IGSF5: variants seen among roughly 807,000 people sequenced by gnomAD.
The protein encoded by IGSF5 is immunoglobulin superfamily 5 like.
Under a neutral mutation model 39.4 loss-of-function variants are expected in IGSF5, and 41 were observed. The observed-to-expected ratio is 1.04, with a 90% confidence interval of 0.81 to 1.35. The LOEUF (loss-of-function observed/expected upper bound fraction) is 1.35. Ranked by LOEUF, IGSF5 falls within the 40% of genes most tolerant of loss-of-function variation. The pLI, the probability that IGSF5 is intolerant of heterozygous loss-of-function variation, is 0.00. For synonymous variants in IGSF5, 183 were observed against 175.3 expected, an observed-to-expected ratio of 1.04 and a Z score of -0.34; for missense variants, 487 against 494.6, an observed-to-expected ratio of 0.98 and a Z score of 0.15.
At chr21:39,795,105 G>T (rs1414722054) in intron 8 of IGSF5, among the ~76,000 whole-genome samples, 2 of 152,178 alleles carry the variant, frequency 1.3e-5, no homozygotes, top group Non-Finnish European at 1.5e-5. Flanking sequence ...CAAATCGTTA[G>T]CTCCTAGTAC....
intron 2 of IGSF5, among the ~76,000 whole-genome samples, chr21:39,762,872 A>C (rs1229838391): frequency 6.6e-6 from 1 of 152,084 alleles, no homozygotes; most frequent in East Asian, 1.9e-4. Context: ...ATTGGTCCTT[A>C]GTGACAACCA....
chr21:39,757,816 A>G (rs1021688386), intron 2 of IGSF5, among the ~76,000 whole-genome samples: 6 of 152,206 alleles, frequency 3.9e-5, no homozygotes, highest in Middle Eastern at 3.4e-3. Context: ...ACCTCAAACG[A>G]TCCACCTGCC....
the IGSF5 span, chr21:39,729,898 G>A: frequency 6.6e-6 from 1 of 152,226 alleles, no homozygotes; most frequent in Non-Finnish European, 1.5e-5. Context: ...GAGAAAAGAG[G>A]GCGGCAAAGG....
chr21:39,760,275 G>T (rs1327307010), intron 2 of IGSF5, among the ~76,000 whole-genome samples: 1 of 152,144 alleles, frequency 6.6e-6, no homozygotes, highest in East Asian at 1.9e-4. Flanking sequence ...TAGGCACTGG[G>T]ATGTAAGATT....
intron 5 of IGSF5, among the ~76,000 whole-genome samples, chr21:39,781,835 T>G (rs1050418166): frequency 6.6e-6 from 1 of 152,234 alleles, no homozygotes; most frequent in Admixed American, 6.5e-5. Context: ...CTCTCAGATT[T>G]TTGGGCTTTT....
At chr21:39,764,884 C>T (rs1402627449) in intron 2 of IGSF5, among the ~76,000 whole-genome samples, 6 of 152,132 alleles carry the variant, frequency 3.9e-5, no homozygotes, top group South Asian at 4.1e-4. Context: ...GAAAAGAGTA[C>T]GAAATTCAGA....
the IGSF5 span, among the ~76,000 whole-genome samples, chr21:39,738,217 T>A: frequency 2.6e-5 from 4 of 152,182 alleles, no homozygotes; most frequent in South Asian, 8.3e-4. The surrounding 1 kb of genome is among the most constrained non-coding windows in gnomAD (Gnocchi z 6.4). Context: ...CTCATAATCA[T>A]GACAGAAGGC....
Position 39,745,338 on chromosome 21 carries a change from G to A in IGSF5, c.-172G>A, listed in dbSNP as rs2079968329. 3.7e-6 allele frequency: 2 copies of A among 535,346 alleles called. No homozygotes were observed. Among genetic ancestry groups the A allele is most frequent in the South Asian group, 2.1e-5 (1 of 46,536 alleles). 33.2% of individuals were successfully genotyped at this position (535,346 alleles called of 1,614,324 possible). ...TCCCTGGGCTATAGCCTAGGTGCCT[G>A]AGGACGCAGCGTAGGGCTTCCTTAG... On this transcript the variant is annotated 5_prime_UTR_variant, in exon 1 of 9. Coordinates refer to ENST00000380588, the MANE Select transcript of IGSF5 (RefSeq NM_001080444.2).
chr21:39,719,872 C>T, the IGSF5 span, among the ~76,000 whole-genome samples: 2 of 152,236 alleles, frequency 1.3e-5, no homozygotes, highest in South Asian at 4.1e-4. Flanking sequence ...CCACTGGCAA[C>T]ACCCTGGGCC....
chr21:39,715,461 T>TA, the IGSF5 span, among the ~76,000 whole-genome samples: 5 of 152,224 alleles, frequency 3.3e-5, no homozygotes, highest in Admixed American at 2.0e-4. Context: ...TTTCTAAATG[T>TA]AAATACATGC....
the IGSF5 span, among the ~76,000 whole-genome samples, chr21:39,730,988 A>G: frequency 6.6e-6 from 1 of 152,176 alleles, no homozygotes; most frequent in African/African-American, 2.4e-5. Context: ...ATCAGCAAGC[A>G]CCACTGTTTC....
chr21:39,746,065 C>A (rs947294637), intron 1 of IGSF5, 151 bp from the exon 2 acceptor site: 2 of 648,788 alleles, frequency 3.1e-6, no homozygotes, highest in Non-Finnish European at 5.6e-6. Flanking sequence ...TGTTATAGCT[C>A]TATTAGAAGC....
At chr21:39,740,443 A>AGTATTCTCTCCATATTAC (rs2079943714), upstream of IGSF5, among the ~76,000 whole-genome samples, 1 of 152,220 alleles carries the variant, frequency 6.6e-6, no homozygotes, top group African/African-American at 2.4e-5. Context: ...CTGCATGGGC[A>AGTATTCTCTCCATATTAC]TGGAGGACTA....
At chr21:39,797,134 G>A (rs2087000316) in intron 8 of IGSF5, among the ~76,000 whole-genome samples, 1 of 151,454 alleles carries the variant, frequency 6.6e-6, no homozygotes, top group African/African-American at 2.4e-5. Context: ...TTAAAGTGGA[G>A]AATACCTTCC....
intron 4 of IGSF5, among the ~76,000 whole-genome samples, chr21:39,777,421 A>G (rs924312801): frequency 2.6e-5 from 4 of 152,164 alleles, no homozygotes; most frequent in Non-Finnish European, 5.9e-5. Flanking sequence ...TGCATGTGCA[A>G]TGATATTCCA....
chr21:39,720,579 C>A, the IGSF5 span, among the ~76,000 whole-genome samples: 1 of 152,142 alleles, frequency 6.6e-6, no homozygotes, highest in East Asian at 1.9e-4. Context: ...GTCCTAGTGG[C>A]CAGAAACAAA....
At chr21:39,782,032 A>AT (rs11418639) in intron 5 of IGSF5, among the ~76,000 whole-genome samples, 68,315 of 151,814 alleles carry the variant, frequency 0.45, 15,978 homozygotes, top group East Asian at 0.63. Flanking sequence ...TATGCATCTA[A>AT]TTTTATCTTC....
chr21:39,722,985 AG>A, the IGSF5 span, among the ~76,000 whole-genome samples: 1 of 152,222 alleles, frequency 6.6e-6, no homozygotes, highest in African/African-American at 2.4e-5. Flanking sequence ...TTTTCCTTAT[AG>A]GTGAATTATT....
intron 2 of IGSF5, among the ~76,000 whole-genome samples, chr21:39,758,693 G>C (rs4816654): frequency 0.77 from 117,454 of 152,128 alleles, 45,751 homozygotes; most frequent in Admixed American, 0.82. Context: ...ACTTTCTATG[G>C]GAAAGGCATA....
Sources: allele counts gnomAD v4.1 joint callset (sites outside exome capture counted in the v4.1 genomes callset), GRCh38; gene constraint gnomAD v4.1.1; non-coding constraint Gnocchi (gnomAD v3.1); transcripts MANE v1.5; gene names NCBI Gene and HGNC (gene_info 2026-07-23, HGNC 2026-07-21).